The following OR3A2 variants were observed in gnomAD, a reference collection of about 807,000 sequenced individuals.
The protein encoded by OR3A2 is olfactory receptor family 3 subfamily A member 2.
For missense variants in OR3A2, 318 were observed against 392.8 expected (o/e 0.81, Z 1.61); for synonymous variants, 126 against 159.3 (o/e 0.79, Z 1.57).
chr17:3,326,428 A>AGGG (rs2049173175), intron 3 of OR3A2, among the ~76,000 whole-genome samples: 1 of 152,088 alleles, frequency 6.6e-6, no homozygotes, highest in Non-Finnish European at 1.5e-5. Context: ...CAGGGACCCC[A>AGGG]AATGGAGGGA....
At position 3,363,968 on chromosome 17, in the gene OR3A2, T is replaced by C. The variant is rs529011079; in HGVS notation, c.-179+19836A>G. On this transcript the variant is annotated intron_variant, in intron 2 of 4. Transcript: ENST00000573491. ...TCATGAGAACAGCAAGGGGAAAATCTGCTCCCATGATCCAATCACCTCCCA... is the reference window on the plus strand; with the variant it reads ...TCATGAGAACAGCAAGGGGAAAATCCGCTCCCATGATCCAATCACCTCCCA... Among the ~76,000 whole-genome samples, 120 of 152,306 alleles carry C rather than the reference T, an allele frequency of 7.9e-4. 1 individual carries two copies. The highest frequency in any genetic ancestry group is 2.8e-3 in the African/African-American group (117 of 41,572).
upstream of OR3A2, among the ~76,000 whole-genome samples, chr17:3,288,757 T>G (rs538847189): frequency 1.3e-5 from 2 of 152,342 alleles, no homozygotes; most frequent in South Asian, 4.1e-4. Flanking sequence ...GCAGAATACT[T>G]ATTAAACTTT....
intron 2 of OR3A2, among the ~76,000 whole-genome samples, chr17:3,338,558 G>T (rs913999880): frequency 2.0e-5 from 3 of 152,082 alleles, no homozygotes; most frequent in African/African-American, 4.8e-5. Context: ...TTTTTGTCAG[G>T]TTTATCAAAG....
intron 2 of OR3A2, among the ~76,000 whole-genome samples, chr17:3,345,923 T>G (rs765668461): frequency 6.6e-6 from 1 of 151,702 alleles, no homozygotes; most frequent in African/African-American, 2.4e-5. Flanking sequence ...GACAGAAGAG[T>G]CTACAAGCTT....
At chr17:3,297,607 C>T (rs812502) in intron 3 of OR3A2, among the ~76,000 whole-genome samples, 70,789 of 151,330 alleles carry the variant, frequency 0.47, 18,420 homozygotes, top group East Asian at 0.95. Flanking sequence ...ACCTCTCACA[C>T]GGACATTTCT....
chr17:3,308,329 T>G (rs551761561), intron 3 of OR3A2, among the ~76,000 whole-genome samples: 2 of 152,274 alleles, frequency 1.3e-5, no homozygotes, highest in East Asian at 3.9e-4. Context: ...CCATCCCCTC[T>G]GCAGAGGCTG....
chr17:3,379,704 G>A (rs993818914), intron 2 of OR3A2, among the ~76,000 whole-genome samples: 2 of 152,084 alleles, frequency 1.3e-5, no homozygotes, highest in African/African-American at 4.8e-5. Context: ...GCAGCTTTAG[G>A]GGTGATGGTT....
chr17:3,374,686 T>C (rs979008937), intron 2 of OR3A2, among the ~76,000 whole-genome samples: 7 of 152,188 alleles, frequency 4.6e-5, no homozygotes, highest in African/African-American at 1.7e-4. Flanking sequence ...TTTTCCCCCA[T>C]GGTCCTTCAA....
chr17:3,310,683 C>T (rs746258436), intron 3 of OR3A2: 6 of 544,176 alleles, frequency 1.1e-5, no homozygotes, highest in South Asian at 2.8e-5. Flanking sequence ...GGCCTATGAC[C>T]GCTATCTGGC....
At chr17:3,283,549 T>C (rs2048790162) in intron 1 of OR3A2, among the ~76,000 whole-genome samples, 1 of 152,132 alleles carries the variant, frequency 6.6e-6, no homozygotes, top group Non-Finnish European at 1.5e-5. Flanking sequence ...CTTAAATAAA[T>C]GGATGGTTAA....
chr17:3,325,382 A>C (rs2049163206), intron 3 of OR3A2, among the ~76,000 whole-genome samples: 1 of 151,432 alleles, frequency 6.6e-6, no homozygotes, highest in South Asian at 2.1e-4. Flanking sequence ...GCTAATTTTT[A>C]TACTTTTAGT....
rs141735517 is a variant in OR3A2 at position 3,339,491 on chromosome 17, T to A, written c.-178-3365A>T. ...TTGAGTTTTTAGCATGAAAGGATGT[T>A]GAATTTTGTCAAAGGCCTTTTCTGC... On this transcript the variant is annotated intron_variant, in intron 2 of 4. Coordinates refer to the OR3A2 transcript ENST00000573491. Among the ~76,000 whole-genome samples, 211 of 152,366 alleles carry A rather than the reference T, an allele frequency of 1.4e-3. 1 individual carries two copies. The Middle Eastern group carries it at 0.031, about 22-fold the overall frequency.
intron 3 of OR3A2, among the ~76,000 whole-genome samples, chr17:3,300,478 G>A: frequency 6.6e-6 from 1 of 152,130 alleles, no homozygotes; most frequent in Non-Finnish European, 1.5e-5. Flanking sequence ...AGAATCACTT[G>A]AACCTGGGAG....
At chr17:3,309,738 C>T (rs553085500) in intron 3 of OR3A2, among the ~76,000 whole-genome samples, 5 of 152,212 alleles carry the variant, frequency 3.3e-5, no homozygotes, top group Admixed American at 1.3e-4. Context: ...CATCTCATTT[C>T]GCTTTTTTTC....
At chr17:3,332,196 C>A (rs2049241530) in intron 3 of OR3A2, among the ~76,000 whole-genome samples, 1 of 152,236 alleles carries the variant, frequency 6.6e-6, no homozygotes. Context: ...GAGGTGGAGC[C>A]TACAGAGGCA....
chr17:3,289,561 G>A (rs1373692572), intron 3 of OR3A2, among the ~76,000 whole-genome samples: 4 of 152,212 alleles, frequency 2.6e-5, no homozygotes, highest in African/African-American at 9.7e-5. Flanking sequence ...TTGCTGCAGG[G>A]GTTAAATGTA....
At chr17:3,296,670 T>C (rs2048920463) in intron 3 of OR3A2, among the ~76,000 whole-genome samples, 3 of 152,170 alleles carry the variant, frequency 2.0e-5, no homozygotes, top group Non-Finnish European at 2.9e-5. Flanking sequence ...TCTATATTTT[T>C]TGAAAAATTG....
intron 3 of OR3A2, among the ~76,000 whole-genome samples, chr17:3,333,801 A>G (rs2049257925): frequency 6.6e-6 from 1 of 152,220 alleles, no homozygotes; most frequent in African/African-American, 2.4e-5. Flanking sequence ...ATAAACTATC[A>G]TCAGAGTGAA....
intron 2 of OR3A2, among the ~76,000 whole-genome samples, chr17:3,350,000 A>G (rs1358474219): frequency 6.7e-6 from 1 of 148,180 alleles, no homozygotes; most frequent in Non-Finnish European, 1.5e-5. Flanking sequence ...CAAAGACACA[A>G]CATACCAGAA....
Sources: allele counts gnomAD v4.1 joint callset (sites outside exome capture counted in the v4.1 genomes callset), GRCh38; gene constraint gnomAD v4.1.1; transcripts MANE v1.5; gene names NCBI Gene and HGNC (gene_info 2026-07-23, HGNC 2026-07-21).